LRRC4C: variants seen among roughly 807,000 people sequenced by gnomAD.
The protein encoded by LRRC4C is leucine-rich repeat-containing protein 4C.
In LRRC4C, 5 loss-of-function variants were observed where a neutral mutation model predicts 33.6. The observed-to-expected ratio is 0.15, with a 90% confidence interval of 0.08 to 0.31. The LOEUF (loss-of-function observed/expected upper bound fraction) is 0.31, where lower values mean the gene tolerates loss of function less well. Ranked by LOEUF, LRRC4C falls within the 10% of genes least tolerant of loss-of-function variation. The pLI is 1.00. For missense variants in LRRC4C, 560 were observed against 796.7 expected (o/e 0.70, Z 3.58); for synonymous variants, 329 against 302.0 (o/e 1.09, Z -0.93).
At chr11:40,195,267 A>C (rs1021230993) in intron 5 of LRRC4C, among the ~76,000 whole-genome samples, 1 of 152,188 alleles carries the variant, frequency 6.6e-6, no homozygotes, top group Non-Finnish European at 1.5e-5. Flanking sequence ...AGAGGAAAAA[A>C]ATAGTGACCT....
chr11:40,478,170 G>A (rs1449613997), intron 3 of LRRC4C, among the ~76,000 whole-genome samples: 1 of 152,116 alleles, frequency 6.6e-6, no homozygotes, highest in African/African-American at 2.4e-5. Flanking sequence ...CATGAAAATG[G>A]ACTAATACAC....
intron 3 of LRRC4C, among the ~76,000 whole-genome samples, chr11:40,497,060 G>A (rs976101862): frequency 6.6e-6 from 1 of 152,074 alleles, no homozygotes; most frequent in Non-Finnish European, 1.5e-5. Flanking sequence ...AATAGCAGGG[G>A]AGAATGGGAA....
chr11:40,980,437 C>T (rs751184909), intron 1 of LRRC4C, among the ~76,000 whole-genome samples: 2 of 151,988 alleles, frequency 1.3e-5, no homozygotes, highest in Non-Finnish European at 2.9e-5. Flanking sequence ...TGAAGTCATC[C>T]GTATTAATTG....
At chr11:40,645,871 C>T (rs1942420662) in intron 3 of LRRC4C, among the ~76,000 whole-genome samples, 11 of 152,122 alleles carry the variant, frequency 7.2e-5, no homozygotes, top group Admixed American at 7.2e-4. Context: ...TCTAAAGTCC[C>T]TCTATTTTTC....
chr11:40,324,988 C>G (rs1009709572), intron 3 of LRRC4C, among the ~76,000 whole-genome samples: 1 of 152,056 alleles, frequency 6.6e-6, no homozygotes, highest in Non-Finnish European at 1.5e-5. Flanking sequence ...AAAGATTAAC[C>G]CAGTGCTTAG....
chr11:41,074,278 T>G (rs1000122663), intron 1 of LRRC4C, among the ~76,000 whole-genome samples: 1 of 152,154 alleles, frequency 6.6e-6, no homozygotes, highest in African/African-American at 2.4e-5. Context: ...GATTTATACT[T>G]TATATGTGCC....
At chr11:40,620,927 C>T (rs773922444) in intron 3 of LRRC4C, among the ~76,000 whole-genome samples, 5 of 151,652 alleles carry the variant, frequency 3.3e-5, no homozygotes, top group South Asian at 2.1e-4. Context: ...GAGAATGCAG[C>T]GTCTAGAAGG....
intron 3 of LRRC4C, among the ~76,000 whole-genome samples, chr11:40,332,918 TG>T (rs1946427738): frequency 6.6e-6 from 1 of 152,242 alleles, no homozygotes; most frequent in South Asian, 2.1e-4. Flanking sequence ...CATTAACATT[TG>T]TTTGTTTCTC....
chr11:40,694,538 A>T (rs1470779563), intron 2 of LRRC4C, among the ~76,000 whole-genome samples: 1 of 152,134 alleles, frequency 6.6e-6, no homozygotes, highest in Non-Finnish European at 1.5e-5. Flanking sequence ...GTATTTATAC[A>T]CTCATAATGT....
intron 1 of LRRC4C, among the ~76,000 whole-genome samples, chr11:41,120,365 G>A (rs1942359456): frequency 6.6e-6 from 1 of 152,064 alleles, no homozygotes; most frequent in Non-Finnish European, 1.5e-5. Context: ...TTTTTTGTTT[G>A]TTCTTTCACA....
At position 41,001,647 on chromosome 11, in the gene LRRC4C, C is replaced by T. The variant is rs1263074660; in HGVS notation, c.-495-67924G>A. Reference sequence around the variant, plus strand: ...AATCCACCCACATTGCAAATATCTGCTGAATTTTAACGCAACCCTTAGTTG... The same window carrying T: ...AATCCACCCACATTGCAAATATCTGTTGAATTTTAACGCAACCCTTAGTTG... On this transcript the variant is annotated intron_variant, in intron 1 of 6. Transcript: ENST00000528697. Among the ~76,000 whole-genome samples, 3 of 152,092 alleles carry T rather than the reference C, an allele frequency of 2.0e-5. No homozygotes were observed. The East Asian group carries it at 5.8e-4, about 29-fold the overall frequency.
chr11:41,163,831 C>T (rs1046899326), intron 1 of LRRC4C, among the ~76,000 whole-genome samples: 3 of 152,060 alleles, frequency 2.0e-5, no homozygotes, highest in Non-Finnish European at 2.9e-5. Flanking sequence ...AGGCTGGTCT[C>T]GAACTCCTGA....
At chr11:40,761,696 C>G (rs1286668520) in intron 2 of LRRC4C, among the ~76,000 whole-genome samples, 2 of 152,066 alleles carry the variant, frequency 1.3e-5, no homozygotes, top group Non-Finnish European at 2.9e-5. Context: ...AAGCATTAGA[C>G]TAGTGAACAT....
At chr11:40,274,900 C>A (rs1336529144) in intron 4 of LRRC4C, among the ~76,000 whole-genome samples, 2 of 152,100 alleles carry the variant, frequency 1.3e-5, no homozygotes, top group East Asian at 3.9e-4. Context: ...GTGAAATGCA[C>A]CCATATTTTC....
At chr11:40,812,685 C>A (rs889102349) in intron 2 of LRRC4C, among the ~76,000 whole-genome samples, 1 of 152,054 alleles carries the variant, frequency 6.6e-6, no homozygotes, top group African/African-American at 2.4e-5. Context: ...AAAATAGACT[C>A]TAATGGCATA....
chr11:41,145,526 T>C (rs1365153369), intron 1 of LRRC4C, among the ~76,000 whole-genome samples: 1 of 122,074 alleles, frequency 8.2e-6, no homozygotes, highest in African/African-American at 2.9e-5. Flanking sequence ...CTATGGCTGC[T>C]TTTATGCTAC....
At chr11:41,180,304 C>A (rs1355458243) in intron 1 of LRRC4C, among the ~76,000 whole-genome samples, 1 of 152,066 alleles carries the variant, frequency 6.6e-6, no homozygotes, top group African/African-American at 2.4e-5. Flanking sequence ...CAACCTGCCA[C>A]CAGGTTATTG....
chr11:41,093,113 A>G (rs1191694087), intron 1 of LRRC4C, among the ~76,000 whole-genome samples: 1 of 152,232 alleles, frequency 6.6e-6, no homozygotes, highest in Non-Finnish European at 1.5e-5. Flanking sequence ...TTATTTATAT[A>G]AGAACTTAAA....
intron 3 of LRRC4C, among the ~76,000 whole-genome samples, chr11:40,457,855 C>A (rs144283724): frequency 6.6e-6 from 1 of 152,166 alleles, no homozygotes; most frequent in African/African-American, 2.4e-5. Flanking sequence ...TTTTTTATGT[C>A]ATATTATTGC....
Sources: gnomAD v4.1 joint callset for allele counts (sites outside exome capture counted in the v4.1 genomes callset) on GRCh38, gnomAD v4.1.1 for gene constraint, MANE v1.5 for transcripts, NCBI Gene and HGNC (gene_info 2026-07-23, HGNC 2026-07-21) for gene names.